The following ERC2 variants were observed in gnomAD, a reference collection of about 807,000 sequenced individuals.
The protein encoded by ERC2 is ERC protein 2.
A neutral mutation model predicts 114.8 loss-of-function variants in ERC2; 42 were observed. That is an observed-to-expected ratio of 0.37 (90% CI 0.29 to 0.47). The LOEUF (loss-of-function observed/expected upper bound fraction) is 0.47, where lower values mean the gene tolerates loss of function less well. Among genes scored for constraint, ERC2 ranks in the 20% least tolerant of loss-of-function variants. ERC2 has a pLI of 0.99. For synonymous variants in ERC2, 454 were observed against 425.5 expected, an observed-to-expected ratio of 1.07 and a Z score of -0.82; for missense variants, 939 against 1,150.7, an observed-to-expected ratio of 0.82 and a Z score of 2.66.
chr3:55,827,103 C>T (rs17714443), intron 14 of ERC2, among the ~76,000 whole-genome samples: 5 of 152,178 alleles, frequency 3.3e-5, no homozygotes, highest in Admixed American at 2.6e-4. Flanking sequence ...TTATCTGTAA[C>T]AACTCCCTCT....
chr3:55,849,646 A>G (rs185733809), intron 14 of ERC2, among the ~76,000 whole-genome samples: 1 of 152,276 alleles, frequency 6.6e-6, no homozygotes, highest in African/African-American at 2.4e-5. Context: ...GCCCCTCTTC[A>G]ATTTTTACAT....
chr3:55,832,835 A>C (rs1245257447), intron 14 of ERC2, among the ~76,000 whole-genome samples: 1 of 152,188 alleles, frequency 6.6e-6, no homozygotes, highest in Non-Finnish European at 1.5e-5. Context: ...ATTCAAACCA[A>C]AGGCAAAGAA....
intron 17 of ERC2, among the ~76,000 whole-genome samples, chr3:55,567,437 T>C (rs184554906): frequency 2.0e-5 from 3 of 152,314 alleles, no homozygotes; most frequent in Admixed American, 2.0e-4. Context: ...CATAAGTCAT[T>C]TGGATTGCAT....
At chr3:56,429,232 T>C (rs982990755) in intron 2 of ERC2, among the ~76,000 whole-genome samples, 30 of 152,198 alleles carry the variant, frequency 2.0e-4, no homozygotes, top group African/African-American at 7.0e-4. Context: ...AGGTTCACTT[T>C]ACTTCCCAAC....
intron 17 of ERC2, among the ~76,000 whole-genome samples, chr3:55,562,383 T>G (rs1409600061): frequency 6.6e-6 from 1 of 151,600 alleles, no homozygotes; most frequent in Non-Finnish European, 1.5e-5. Context: ...AAACCCCTGA[T>G]CTCAGGTGTT....
chr3:56,189,680 C>T (rs905030231), intron 3 of ERC2, among the ~76,000 whole-genome samples: 8 of 152,176 alleles, frequency 5.3e-5, no homozygotes, highest in African/African-American at 1.9e-4. Flanking sequence ...CTTGGCATCC[C>T]CCATAGAATT....
chr3:56,065,709 C>A (rs1359498402), intron 7 of ERC2, among the ~76,000 whole-genome samples: 1 of 152,008 alleles, frequency 6.6e-6, no homozygotes, highest in East Asian at 1.9e-4. Context: ...CCCCCTGCCC[C>A]TACTGACTGG....
chr3:56,244,280 A>G (rs1301084057), intron 3 of ERC2, among the ~76,000 whole-genome samples: 1 of 152,184 alleles, frequency 6.6e-6, no homozygotes, highest in Non-Finnish European at 1.5e-5. Flanking sequence ...AGAGTATAAC[A>G]CATGCAATTA....
chr3:55,946,974 T>C (rs2067162520), intron 13 of ERC2, among the ~76,000 whole-genome samples: 1 of 152,128 alleles, frequency 6.6e-6, no homozygotes, highest in African/African-American at 2.4e-5. Flanking sequence ...ATTTACACAA[T>C]GTAGACCCAC....
rs1172695925 is a variant in ERC2 at position 56,444,263 on chromosome 3, G to A, written c.-140-9116C>T. 8.6e-5 allele frequency among the ~76,000 whole-genome samples: 13 copies of A among 151,526 alleles called. No individual in the cohort carries two copies. In the East Asian group the frequency reaches 2.1e-3, roughly 25 times the overall value. On this transcript the variant is annotated intron_variant, in intron 1 of 17. Transcript: ENST00000288221. Reference sequence around the variant, plus strand: ...TGGGATTACAGGCGTGAGCCACCACGCCCCGCCAATACCTGCCAATCTTAT... The same window carrying A: ...TGGGATTACAGGCGTGAGCCACCACACCCCGCCAATACCTGCCAATCTTAT...
chr3:56,139,680 C>T lies in ERC2; in HGVS notation c.1306-4G>A, dbSNP rs141135484. 3.1e-5 allele frequency: 49 copies of T among 1,589,270 alleles called. No homozygotes were observed. The East Asian group carries it at 1.1e-3, about 35-fold the overall frequency. On this transcript the variant is annotated splice_polypyrimidine_tract_variant and splice_region_variant and intron_variant, in intron 5 of 17. Coordinates refer to ENST00000288221, the MANE Select transcript of ERC2 (RefSeq NM_015576.3). Reference sequence around the variant, plus strand: ...GTTCCTGCTTCAGCTGATCAATCTGCAAAACAACAACAAAATTGCAAGAAA... The same window carrying T: ...GTTCCTGCTTCAGCTGATCAATCTGTAAAACAACAACAAAATTGCAAGAAA...
At chr3:55,529,847 C>A (rs186084954) in intron 17 of ERC2, among the ~76,000 whole-genome samples, 1 of 152,334 alleles carries the variant, frequency 6.6e-6, no homozygotes, top group East Asian at 1.9e-4. Flanking sequence ...TGGCTGACTA[C>A]TGTGATTCAA....
intron 17 of ERC2, among the ~76,000 whole-genome samples, chr3:55,588,495 G>A (rs1434096331): frequency 6.6e-6 from 1 of 152,216 alleles, no homozygotes; most frequent in Non-Finnish European, 1.5e-5. Context: ...CCTTAGAAGT[G>A]AAAGCAGAGA....
chr3:56,323,373 C>T (rs1312688334), intron 2 of ERC2, among the ~76,000 whole-genome samples: 3 of 152,142 alleles, frequency 2.0e-5, no homozygotes, highest in Non-Finnish European at 4.4e-5. Context: ...GAAATTCAAG[C>T]TACCGTCTTT....
At chr3:56,034,431 A>G (rs969700324) in intron 7 of ERC2, among the ~76,000 whole-genome samples, 1 of 152,162 alleles carries the variant, frequency 6.6e-6, no homozygotes, top group Non-Finnish European at 1.5e-5. Flanking sequence ...GGTCATCTAG[A>G]CAGAAAAACA....
At chr3:55,973,460 C>T (rs927515062) in intron 12 of ERC2, among the ~76,000 whole-genome samples, 13 of 152,224 alleles carry the variant, frequency 8.5e-5, no homozygotes, top group Non-Finnish European at 1.8e-4. Flanking sequence ...TTCTAAAACA[C>T]AATCCTGTTC....
At chr3:56,088,113 C>T (rs990516801) in intron 6 of ERC2, among the ~76,000 whole-genome samples, 8 of 152,072 alleles carry the variant, frequency 5.3e-5, no homozygotes, top group African/African-American at 1.9e-4. Context: ...CCATACCACA[C>T]TCCTTTTCTT....
intron 2 of ERC2, among the ~76,000 whole-genome samples, chr3:56,414,572 A>C (rs2061071944): frequency 6.6e-6 from 1 of 152,020 alleles, no homozygotes; most frequent in Non-Finnish European, 1.5e-5. Context: ...AAAATACAAA[A>C]AAATTAGCCG....
chr3:55,533,369 C>T (rs1462816913), intron 17 of ERC2, among the ~76,000 whole-genome samples: 1 of 152,140 alleles, frequency 6.6e-6, no homozygotes, highest in Admixed American at 6.5e-5. Context: ...CCTCTGTGTC[C>T]GGAATGATAC....
Sources: gnomAD v4.1 joint callset for allele counts (sites outside exome capture counted in the v4.1 genomes callset) on GRCh38, gnomAD v4.1.1 for gene constraint, MANE v1.5 for transcripts, NCBI Gene and HGNC (gene_info 2026-07-23, HGNC 2026-07-21) for gene names.